NGEF: variants seen among roughly 807,000 people sequenced by gnomAD.
The protein encoded by NGEF is neuronal guanine nucleotide exchange factor, also known as ephexin-1.
In NGEF, 31 loss-of-function variants were observed where a neutral mutation model predicts 80.9. That is an observed-to-expected ratio of 0.38 (90% CI 0.29 to 0.52). The LOEUF (loss-of-function observed/expected upper bound fraction) is 0.52, where lower values mean the gene tolerates loss of function less well. NGEF is among the 20% of genes least tolerant of loss of function. The pLI is 0.84. For missense variants in NGEF, 709 were observed against 926.2 expected (o/e 0.77, Z 3.04); for synonymous variants, 371 against 370.2 (o/e 1.00, Z -0.03).
intron 3 of NGEF, among the ~76,000 whole-genome samples, chr2:232,957,762 G>T (rs1179365146): frequency 1.3e-5 from 2 of 152,234 alleles, no homozygotes; most frequent in African/African-American, 4.8e-5. Flanking sequence ...CTGCCCAGGA[G>T]GGGAGGGAGA....
intron 5 of NGEF, among the ~76,000 whole-genome samples, chr2:232,916,098 G>A (rs187143426): frequency 1.3e-3 from 199 of 152,294 alleles, no homozygotes; most frequent in African/African-American, 4.5e-3. Context: ...CACAACATCC[G>A]AAGATTAGGT....
Position 232,879,427 on chromosome 2 carries a change from C to CT in NGEF, c.*61_*62insA, listed in dbSNP as rs969472554. 5 of 1,439,156 alleles carry CT rather than the reference C, an allele frequency of 3.5e-6. No individual in the cohort carries two copies. The Admixed American group carries it at 9.0e-5, about 26-fold the overall frequency. The allele number at this position is 1,439,156 out of a possible 1,614,324, so 89.1% of individuals were successfully genotyped here. ...TGGCCTGTGCTTCCCAGAGCCCCCC[C>CT]CCCCCCACCTTCTGTCGGGGTCTCA... is the stretch of plus-strand genomic sequence containing the variant. On this transcript the variant is annotated 3_prime_UTR_variant, in exon 15 of 15. Coordinates refer to ENST00000264051, the MANE Select transcript of NGEF (RefSeq NM_019850.3).
chr2:232,961,466 A>C lies in NGEF; in HGVS notation c.383+8748T>G, dbSNP rs529540304. 4.3e-4 allele frequency among the ~76,000 whole-genome samples: 65 copies of C among 152,244 alleles called. 1 individual carries two copies. The highest frequency in any genetic ancestry group is 6.3e-4 in the Non-Finnish European group (43 of 68,010). On this transcript the variant is annotated intron_variant, in intron 3 of 14. Coordinates refer to ENST00000264051, the MANE Select transcript of NGEF (RefSeq NM_019850.3). ...TGAGCCAGAGATAAACACCTGACCC[A>C]AGGATGGTCAACCAGATTATTTTAT...
At chr2:232,940,548 A>G (rs188395901) in intron 3 of NGEF, among the ~76,000 whole-genome samples, 7 of 151,406 alleles carry the variant, frequency 4.6e-5, no homozygotes, top group African/African-American at 1.7e-4. Flanking sequence ...AGCAGCGAGG[A>G]TTTTTTTAGT....
chr2:232,952,917 G>A (rs1252570961), intron 3 of NGEF, among the ~76,000 whole-genome samples: 8 of 136,610 alleles, frequency 5.9e-5, no homozygotes, highest in Non-Finnish European at 1.1e-4. Flanking sequence ...GCAGTGAGCC[G>A]AGATCGCACA....
At chr2:232,903,207 C>T (rs1692405634) in intron 5 of NGEF, among the ~76,000 whole-genome samples, 1 of 152,226 alleles carries the variant, frequency 6.6e-6, no homozygotes, top group Non-Finnish European at 1.5e-5. Flanking sequence ...TAGCATTCCA[C>T]TGTGTAGATG....
chr2:233,001,695 C>T (rs774013499), intron 1 of NGEF, among the ~76,000 whole-genome samples: 7 of 152,202 alleles, frequency 4.6e-5, no homozygotes, highest in East Asian at 1.9e-4. Context: ...GCCTGGCCAA[C>T]GTGCGAAACC....
chr2:232,890,239 T>C (rs936194487), intron 8 of NGEF, among the ~76,000 whole-genome samples: 6 of 151,750 alleles, frequency 4.0e-5, no homozygotes, highest in African/African-American at 1.5e-4. Flanking sequence ...GTCTCTGTCC[T>C]GCCTCACTGG....
At chr2:232,989,894 A>G (rs973878492) in intron 1 of NGEF, among the ~76,000 whole-genome samples, 16 of 152,232 alleles carry the variant, frequency 1.1e-4, no homozygotes, top group African/African-American at 3.9e-4. Flanking sequence ...TGACAAAGTT[A>G]AATACCAATC....
intron 1 of NGEF, among the ~76,000 whole-genome samples, chr2:232,990,961 A>G (rs1450729004): frequency 6.6e-6 from 1 of 152,170 alleles, no homozygotes; most frequent in African/African-American, 2.4e-5. Context: ...TACCATACGA[A>G]TGAAACAAGG....
chr2:232,879,375 G>T lies in NGEF; in HGVS notation c.*114C>A. On this transcript the variant is annotated 3_prime_UTR_variant, in exon 15 of 15. Transcript: ENST00000264051. ...CAGGGATGAGGGCCGGGCACCCCAA[G>T]CCAGATCCTGCCACCTGGGGAGGTG... is the stretch of plus-strand genomic sequence containing the variant. 1 of 1,120,016 alleles carries T rather than the reference G, an allele frequency of 8.9e-7. No individual in the cohort carries two copies. The highest frequency in any genetic ancestry group is 1.3e-6 in the Non-Finnish European group (1 of 782,932). The allele number at this position is 1,120,016 out of a possible 1,614,324, so 69.4% of individuals were successfully genotyped here.
rs183314942 is a variant in NGEF at position 232,979,678 on chromosome 2, G to A, written c.-74-4714C>T. ...ATTGAGGGAGGGTGCAGCTCATGGTGCACTTGCATTCATTCATTCATTCAC... is the reference window on the plus strand; with the variant it reads ...ATTGAGGGAGGGTGCAGCTCATGGTACACTTGCATTCATTCATTCATTCAC... On this transcript the variant is annotated intron_variant, in intron 1 of 14. Transcript: ENST00000264051. Among the ~76,000 whole-genome samples, 347 of 152,234 alleles carry A rather than the reference G, an allele frequency of 2.3e-3. 2 individuals carry two copies. The highest frequency in any genetic ancestry group is 0.02 in the Middle Eastern group (6 of 294).
intron 3 of NGEF, among the ~76,000 whole-genome samples, chr2:232,940,263 C>T (rs1188398374): frequency 1.3e-5 from 2 of 152,124 alleles, no homozygotes; most frequent in African/African-American, 2.4e-5. Context: ...TGAATATCAC[C>T]ATAAAGAAAA....
chr2:232,893,436 T>C (rs1403034105), intron 6 of NGEF, among the ~76,000 whole-genome samples: 1 of 152,204 alleles, frequency 6.6e-6, no homozygotes, highest in Non-Finnish European at 1.5e-5. Flanking sequence ...TACCTCTGCA[T>C]GTTTGGAATT....
At chr2:232,920,220 C>A (rs769933972) in intron 5 of NGEF, 64 bp downstream of exon 5, 11 of 1,518,808 alleles carry the variant, frequency 7.2e-6, no homozygotes, top group East Asian at 2.3e-5. Flanking sequence ...GGAAGCCTCA[C>A]CCCCAGCAGT....
At chr2:232,890,646 C>A (rs1361738795) in intron 8 of NGEF, among the ~76,000 whole-genome samples, 1 of 152,130 alleles carries the variant, frequency 6.6e-6, no homozygotes, top group Non-Finnish European at 1.5e-5. Context: ...GCCGAGGAAT[C>A]ACTCTCAGTC....
At chr2:232,946,753 G>T (rs957359753) in intron 3 of NGEF, among the ~76,000 whole-genome samples, 2 of 152,206 alleles carry the variant, frequency 1.3e-5, no homozygotes, top group African/African-American at 4.8e-5. Flanking sequence ...AGTGAAGGAA[G>T]TATTCAAAGA....
At chr2:232,943,795 C>T (rs1241556257) in intron 3 of NGEF, among the ~76,000 whole-genome samples, 1 of 151,270 alleles carries the variant, frequency 6.6e-6, no homozygotes, top group Non-Finnish European at 1.5e-5. Flanking sequence ...GTGCCCGGCC[C>T]GGAATGCTCT....
intron 5 of NGEF, among the ~76,000 whole-genome samples, chr2:232,906,661 A>G (rs1692560568): frequency 1.1e-5 from 1 of 94,774 alleles, no homozygotes; most frequent in Non-Finnish European, 2.2e-5. Flanking sequence ...CTGCCCGGCC[A>G]CCACCCCATC....
Sources: gnomAD v4.1 joint callset for allele counts (sites outside exome capture counted in the v4.1 genomes callset) on GRCh38, gnomAD v4.1.1 for gene constraint, MANE v1.5 for transcripts, NCBI Gene and HGNC (gene_info 2026-07-23, HGNC 2026-07-21) for gene names.